Variants in SCN2A observed in about 807,000 individuals in gnomAD.
SCN2A encodes sodium channel protein type 2 subunit alpha.
SCN2A carries 20 observed loss-of-function variants against 188.7 expected under a neutral mutation model. That is an observed-to-expected ratio of 0.11 (90% CI 0.07 to 0.15). The LOEUF (loss-of-function observed/expected upper bound fraction) is 0.15. Ranked by LOEUF, SCN2A falls within the 10% of genes least tolerant of loss-of-function variation. SCN2A has a pLI of 1.00. For synonymous variants in SCN2A, 804 were observed against 833.1 expected (o/e 0.97, Z 0.60); for missense variants, 1,278 against 2,445.0 (o/e 0.52, Z 10.07).
chr2:165,390,023 C>T lies in SCN2A; in HGVS notation c.*199C>T, dbSNP rs1702067978. On this transcript the variant is annotated 3_prime_UTR_variant, in exon 27 of 27. Coordinates refer to ENST00000375437, the MANE Select transcript of SCN2A (RefSeq NM_001040142.2). ...ACTCAGTAAACTGGAGAAATAGTATCGATGGGAGGTTTCTATTTTCACAAC... is the reference window on the plus strand; with the variant it reads ...ACTCAGTAAACTGGAGAAATAGTATTGATGGGAGGTTTCTATTTTCACAAC... 3 of 793,390 alleles carry T rather than the reference C, an allele frequency of 3.8e-6. No homozygotes were observed. The highest frequency in any genetic ancestry group is 3.2e-5 in the Admixed American group (1 of 31,618). The allele number at this position is 793,390 out of a possible 1,614,324, so 49.1% of individuals were successfully genotyped here. A position where few individuals can be genotyped will look rare whatever the true frequency, so the allele number is the denominator to read the frequency against.
At chr2:165,351,909 T>G (rs1360734231) in intron 16 of SCN2A, among the ~76,000 whole-genome samples, 7 of 150,730 alleles carry the variant, frequency 4.6e-5, no homozygotes, top group Admixed American at 3.3e-4. Context: ...TATAATGTGA[T>G]AGGGATGTGG....
chr2:165,303,534 C>T (rs1447082351), intron 3 of SCN2A, among the ~76,000 whole-genome samples: 1 of 152,054 alleles, frequency 6.6e-6, no homozygotes, highest in Non-Finnish European at 1.5e-5. Flanking sequence ...CTCGGCCTCC[C>T]AAAGTGCTGG....
chr2:165,243,575 G>A (rs892151741), intron 1 of SCN2A: 7 of 150,666 alleles, frequency 4.6e-5, no homozygotes, highest in African/African-American at 1.2e-4. Flanking sequence ...GCACTCCAGT[G>A]TGGGTGACAA....
At chr2:165,304,267 G>A (rs949819826) in intron 3 of SCN2A, among the ~76,000 whole-genome samples, 3 of 151,976 alleles carry the variant, frequency 2.0e-5, no homozygotes, top group African/African-American at 7.2e-5. Flanking sequence ...GCTAATTTTT[G>A]TATTTTTAGT....
rs1064794005 is a variant in SCN2A at position 165,389,078 on chromosome 2, A to G, written c.5272A>G (p.Ser1758Gly). 2 of 1,614,076 alleles carry G rather than the reference A, an allele frequency of 1.2e-6. No individual in the cohort carries two copies. Among genetic ancestry groups the G allele is most frequent in the South Asian group, 1.1e-5 (1 of 91,076 alleles). The change falls in exon 27 of 27, where the codon AGT becomes GGT. Residue 1758 changes from serine (S) to glycine (G), a missense_variant. Coordinates refer to ENST00000375437, the MANE Select transcript of SCN2A (RefSeq NM_001040142.2). This position sits in a 1 kb window ranked among gnomAD's most constrained non-coding sequence, Gnocchi z 4.2. The stretch of plus-strand genomic sequence containing the variant: ...ATCTGTTGGGATTTTCTTTTTTGTC[A>G]GTTACATCATCATATCCTTCCTGGT... Reference protein sequence around the residue: ...NPSVGIFFFVSYIIISFLVVV... With the variant: ...NPSVGIFFFVGYIIISFLVVV...
intron 14 of SCN2A, among the ~76,000 whole-genome samples, chr2:165,332,252 A>G (rs1232208265): frequency 2.0e-5 from 3 of 152,034 alleles, no homozygotes; most frequent in African/African-American, 7.2e-5. Flanking sequence ...TGAACATATA[A>G]GCAGGTTATA....
intron 23 of SCN2A, among the ~76,000 whole-genome samples, chr2:165,379,354 G>A (rs560339293): frequency 1.1e-4 from 16 of 151,700 alleles, no homozygotes; most frequent in Admixed American, 5.9e-4. Flanking sequence ...TATAAAGTTC[G>A]AAATTGACAA....
At chr2:165,380,815 C>T (rs1701562480) in intron 24 of SCN2A, 86 bp downstream of exon 24, 1 of 1,065,148 alleles carries the variant, frequency 9.4e-7, no homozygotes. Flanking sequence ...ATGCAATCAC[C>T]AAAAAAAGAA....
chr2:165,264,275 C>T (rs1382620062), intron 1 of SCN2A, among the ~76,000 whole-genome samples: 1 of 152,042 alleles, frequency 6.6e-6, no homozygotes, highest in Non-Finnish European at 1.5e-5. Flanking sequence ...GGGTTTTGTA[C>T]CAGGGATGCA....
At chr2:165,340,225 G>C (rs1307700553) in intron 14 of SCN2A, among the ~76,000 whole-genome samples, 1 of 152,106 alleles carries the variant, frequency 6.6e-6, no homozygotes, top group African/African-American at 2.4e-5. Context: ...CCTTGGGGTA[G>C]GCAAAAATTT....
Position 165,323,476 on chromosome 2 carries a change from A to G in SCN2A, c.1992A>G (p.Thr664=), listed in dbSNP as rs368988956. 44 of 1,613,566 alleles carry G rather than the reference A, an allele frequency of 2.7e-5. No individual in the cohort carries two copies. Among genetic ancestry groups the G allele is most frequent in the East Asian group, 8.9e-5 (4 of 44,850 alleles). Residue 664 remains threonine, a synonymous_variant, in exon 12 of 27, where the codon ACA becomes ACG. Coordinates refer to ENST00000375437, the MANE Select transcript of SCN2A (RefSeq NM_001040142.2). ...TGGTCGGGGGCCCTTCTACCCTCAC[A>G]TCTGCTGGGCAGCTCCTACCAGAGG... ...VSLVGGPSTL[T]SAGQLLPEGT...
intron 11 of SCN2A, among the ~76,000 whole-genome samples, chr2:165,322,192 G>A (rs1037649958): frequency 1.3e-5 from 2 of 152,136 alleles, no homozygotes; most frequent in African/African-American, 4.8e-5. Flanking sequence ...AAGTGAAAAA[G>A]CACCATTTCC....
intron 7 of SCN2A, among the ~76,000 whole-genome samples, chr2:165,311,130 C>T (rs577185740): frequency 3.1e-4 from 47 of 151,786 alleles, no homozygotes; most frequent in Non-Finnish European, 6.0e-4. Context: ...TAATTAGTCC[C>T]TTTAGTGTCA....
At position 165,362,421 on chromosome 2, in the gene SCN2A, A is replaced by C. The variant is rs186735649; in HGVS notation, c.3400-2722A>C. On this transcript the variant is annotated intron_variant, in intron 17 of 26. Transcript: ENST00000375437. Reference sequence around the variant, plus strand: ...ATGAATAAAAAAGCAATTAAAAAAAACACCTCAACATGCTTCTCATTTTCA... The same window carrying C: ...ATGAATAAAAAAGCAATTAAAAAAACCACCTCAACATGCTTCTCATTTTCA... 2.0e-3 allele frequency among the ~76,000 whole-genome samples: 303 copies of C among 152,134 alleles called. 2 individuals are homozygous for C. Among genetic ancestry groups the C allele is most frequent in the East Asian group, 0.016 (83 of 5,178 alleles).
rs1475480215 is a variant in SCN2A, at chr2:165,340,201, G to GA, written c.2389-2093dup. 2.0e-5 allele frequency among the ~76,000 whole-genome samples: 3 copies of GA among 152,126 alleles called. No individual in the cohort carries two copies. In the East Asian group the frequency reaches 5.8e-4, roughly 29 times the overall value. ...AAAACATCTGAAATAAAACACAGGAGAACATCTTTGAGACCTTGGGGTAGG... is the reference window on the plus strand; with the variant it reads ...AAAACATCTGAAATAAAACACAGGAGAAACATCTTTGAGACCTTGGGGTAGG... On this transcript the variant is annotated intron_variant, in intron 14 of 26. Transcript: ENST00000375437.
chr2:165,288,800 A>C (rs1695972412), intron 1 of SCN2A, among the ~76,000 whole-genome samples: 1 of 152,054 alleles, frequency 6.6e-6, no homozygotes, highest in African/African-American at 2.4e-5. Flanking sequence ...ATATCACAGC[A>C]AGTAACAATC....
Position 165,308,778 on chromosome 2 carries a change from A to G in SCN2A, c.589A>G (p.Thr197Ala), listed in dbSNP as rs1311569054. ...GGATCCATGGAATTGGTTGGATTTC[A>G]CAGTCATTACTTTTGCGTAAGTATC... ...LRDPWNWLDF[T>A]VITFAYVTEF... The change falls in exon 5 of 27, where the codon ACA (threonine) becomes GCA (alanine). Residue 197 changes from threonine to alanine, a missense_variant. By Grantham distance (58) the Thr-to-Ala change is moderately conservative (BLOSUM62 0). Transcript: ENST00000375437. 1 of 1,612,696 alleles carries G rather than the reference A, an allele frequency of 6.2e-7. No individual in the cohort carries two copies. The highest frequency in any genetic ancestry group is 1.7e-5 in the Admixed American group (1 of 59,946).
chr2:165,370,903 C>A (rs753449645), intron 20 of SCN2A: 2 of 154,614 alleles, frequency 1.3e-5, no homozygotes, highest in South Asian at 4.0e-4. Flanking sequence ...ATTAAATGTA[C>A]TACTACTATT....
At chr2:165,370,603 A>T (rs1700973910) in intron 20 of SCN2A, 2 of 301,060 alleles carry the variant, frequency 6.6e-6, no homozygotes, top group Admixed American at 4.4e-5. Flanking sequence ...GCACACTCAC[A>T]TTTCGCAAAA....
Sources: gnomAD v4.1 joint callset for allele counts (sites outside exome capture counted in the v4.1 genomes callset) on GRCh38, gnomAD v4.1.1 for gene constraint, Gnocchi (gnomAD v3.1) non-coding constraint, MANE v1.5 for transcripts, NCBI Gene and HGNC (gene_info 2026-07-23, HGNC 2026-07-21) for gene names.